FARP1: variants seen among roughly 807,000 people sequenced by gnomAD.
FARP1 encodes the protein FERM, ARHGEF and pleckstrin domain-containing protein 1.
FARP1 carries 52 observed loss-of-function variants against 128.8 expected under a neutral mutation model. That is an observed-to-expected ratio of 0.40 (90% confidence interval 0.32 to 0.51). The LOEUF (loss-of-function observed/expected upper bound fraction) is 0.51, where lower values mean the gene tolerates loss of function less well. FARP1 is among the 20% of genes least tolerant of loss of function. FARP1 has a pLI of 0.45. For synonymous variants in FARP1, 580 were observed against 551.8 expected, an observed-to-expected ratio of 1.05 and a Z score of -0.72; for missense variants, 1,333 against 1,367.9, an observed-to-expected ratio of 0.97 and a Z score of 0.40.
intron 1 of FARP1, among the ~76,000 whole-genome samples, chr13:98,148,003 G>T (rs1453742372): frequency 6.6e-6 from 1 of 152,028 alleles, no homozygotes; most frequent in African/African-American, 2.4e-5. Flanking sequence ...TTTGATATTT[G>T]ATTTTGTTTT....
At chr13:98,225,293 C>T (rs2139379476) in intron 2 of FARP1, among the ~76,000 whole-genome samples, 1 of 152,306 alleles carries the variant, frequency 6.6e-6, no homozygotes, top group East Asian at 1.9e-4. Context: ...TTGCATTTCA[C>T]AGCTCATTGC....
At position 98,388,241 on chromosome 13, in the gene FARP1, C is replaced by A. The variant is rs1594476644; in HGVS notation, c.760-142C>A. On this transcript the variant is annotated intron_variant, in intron 8 of 26. Coordinates refer to ENST00000319562, the MANE Select transcript of FARP1 (RefSeq NM_005766.4). ...CAGGTATCATCCGATAGCCACAGAT[C>A]CTGTGAGTTCTCTGCAAAAGTCATC... 4.7e-6 allele frequency: 3 copies of A among 635,450 alleles called. No homozygotes were observed. The African/African-American group carries it at 5.5e-5, about 12-fold the overall frequency. The allele number at this position is 635,450 out of a possible 1,614,324, so 39.4% of individuals were successfully genotyped here.
intron 1 of FARP1, among the ~76,000 whole-genome samples, chr13:98,211,923 G>T (rs1211084051): frequency 1.3e-5 from 2 of 152,244 alleles, no homozygotes; most frequent in African/African-American, 4.8e-5. Flanking sequence ...GGACATTCGA[G>T]ATTGGGTTCC....
chr13:98,444,299 T>G (rs367794109), intron 24 of FARP1, among the ~76,000 whole-genome samples: 1 of 152,112 alleles, frequency 6.6e-6, no homozygotes. Flanking sequence ...GAGGTCACCA[T>G]TGTAGGCACG....
intron 2 of FARP1, among the ~76,000 whole-genome samples, chr13:98,343,101 A>G (rs1371423633): frequency 1.3e-5 from 2 of 152,160 alleles, no homozygotes; most frequent in African/African-American, 4.8e-5. Context: ...AAGGCTACGT[A>G]CTGTATGAGT....
chr13:98,217,276 T>TA (rs151323533), intron 2 of FARP1, among the ~76,000 whole-genome samples: 2,708 of 151,152 alleles, frequency 0.018, 68 homozygotes, highest in African/African-American at 0.061. Context: ...GCAGCCCTGG[T>TA]AAAAAAAAAT....
chr13:98,283,045 AGTATGCACAT>A (rs1885006080), intron 2 of FARP1, among the ~76,000 whole-genome samples: 1 of 152,262 alleles, frequency 6.6e-6, no homozygotes, highest in Admixed American at 6.5e-5. Flanking sequence ...CATGCTTATC[AGTATGCACAT>A]GTTATTATGC....
intron 5 of FARP1, 64 bp downstream of exon 5, chr13:98,368,259 T>G (rs1889183226): frequency 8.7e-7 from 1 of 1,152,162 alleles, no homozygotes; most frequent in South Asian, 1.2e-5. Context: ...AAAATGAATG[T>G]TCTCAATTGA....
chr13:98,277,109 T>TACACAC lies in FARP1; in HGVS notation c.171+63731_171+63736dup, dbSNP rs368911842. ...AGCTCTTGGATCTGCTCTAGAAAAA[T>TACACAC]ACACACACACACACACACACACACA... On this transcript the variant is annotated intron_variant, in intron 2 of 26. Coordinates refer to ENST00000319562, the MANE Select transcript of FARP1 (RefSeq NM_005766.4). Among the ~76,000 whole-genome samples, 1,104 of 118,186 alleles carry TACACAC rather than the reference T, an allele frequency of 9.3e-3. 13 individuals carry two copies. The highest frequency in any genetic ancestry group is 0.022 in the African/African-American group (719 of 31,968). 77.5% of individuals were successfully genotyped at this position (118,186 alleles called of 152,430 possible).
At chr13:98,363,414 C>G (rs147377102) in intron 3 of FARP1, among the ~76,000 whole-genome samples, 78 of 152,314 alleles carry the variant, frequency 5.1e-4, no homozygotes, top group Non-Finnish European at 9.1e-4. Context: ...CTTAAAAGAC[C>G]TTTCTGGCTA....
At chr13:98,365,894 G>GGGGTGTGT (rs1555340768) in intron 4 of FARP1, among the ~76,000 whole-genome samples, 1 of 148,264 alleles carries the variant, frequency 6.7e-6, no homozygotes, top group Non-Finnish European at 1.5e-5. Flanking sequence ...GTGTGTATGT[G>GGGGTGTGT]GTGTGTGTGT....
chr13:98,316,420 G>A (rs1308839201), intron 2 of FARP1, among the ~76,000 whole-genome samples: 1 of 152,204 alleles, frequency 6.6e-6, no homozygotes, highest in Non-Finnish European at 1.5e-5. Context: ...GGAAACAAAG[G>A]CATAGAGAGG....
At chr13:98,339,020 G>A (rs1887854844) in intron 2 of FARP1, 3 of 152,152 alleles carry the variant, frequency 2.0e-5, no homozygotes, top group African/African-American at 7.2e-5. Context: ...AAAGGGAGAG[G>A]AAGTCCTTGA....
Position 98,437,366 on chromosome 13 carries a change from T to A in FARP1, c.2275-1438T>A, listed in dbSNP as rs550921857. ...CTCCGTGTCGCAGGTGATCAGTGAT[T>A]ATCTGAGGCTGGTGGTGCAGGCGGT... On this transcript the variant is annotated intron_variant, in intron 19 of 26. Coordinates refer to ENST00000319562, the MANE Select transcript of FARP1 (RefSeq NM_005766.4). 2.6e-5 allele frequency among the ~76,000 whole-genome samples: 4 copies of A among 152,310 alleles called. No individual in the cohort carries two copies. In the South Asian group the frequency reaches 8.3e-4, roughly 32 times the overall value.
In FARP1 at chr13:98,176,374, G is replaced by T; in HGVS notation, c.-24+32882G>T. ...TGGCTGGTCACAGATGTAGCAGCGC[G>T]GGGTGGCCCGGAAGTGCTCCAGCGC... is the stretch of plus-strand genomic sequence containing the variant. On this transcript the variant is annotated intron_variant, in intron 1 of 26. Coordinates refer to ENST00000319562, the MANE Select transcript of FARP1 (RefSeq NM_005766.4). The surrounding 1 kb of genome is among the most constrained non-coding windows in gnomAD (Gnocchi z 6.2). 1 of 1,614,200 alleles carries T rather than the reference G, an allele frequency of 6.2e-7. No homozygotes were observed. Among genetic ancestry groups the T allele is most frequent in the South Asian group, 1.1e-5 (1 of 91,084 alleles).
At chr13:98,296,787 T>C (rs1260940379) in intron 2 of FARP1, among the ~76,000 whole-genome samples, 3 of 148,444 alleles carry the variant, frequency 2.0e-5, no homozygotes, top group African/African-American at 5.0e-5. Flanking sequence ...CCAACTCAGG[T>C]GATCCTCTCA....
intron 3 of FARP1, among the ~76,000 whole-genome samples, chr13:98,349,128 ATC>A (rs1250026551): frequency 1.3e-5 from 2 of 152,220 alleles, no homozygotes; most frequent in Non-Finnish European, 2.9e-5. Flanking sequence ...TGGCTTGCAT[ATC>A]TGTTTAAACA....
chr13:98,146,383 C>T (rs1282406455), intron 1 of FARP1, among the ~76,000 whole-genome samples: 1 of 152,240 alleles, frequency 6.6e-6, no homozygotes, highest in Non-Finnish European at 1.5e-5. Context: ...CATTTGCCGC[C>T]ATGCCCAACT....
intron 2 of FARP1, among the ~76,000 whole-genome samples, chr13:98,250,647 AG>A (rs1883278947): frequency 6.7e-6 from 1 of 149,926 alleles, no homozygotes. Flanking sequence ...CTTGAACCCG[AG>A]AGGCAGAGGT....
Sources: gnomAD v4.1 joint callset for allele counts (sites outside exome capture counted in the v4.1 genomes callset) on GRCh38, gnomAD v4.1.1 for gene constraint, Gnocchi (gnomAD v3.1) non-coding constraint, MANE v1.5 for transcripts, NCBI Gene and HGNC (gene_info 2026-07-23, HGNC 2026-07-21) for gene names.